The following EDEM1 variants were observed in gnomAD, a reference collection of about 807,000 sequenced individuals.
The protein encoded by EDEM1 is ER degradation-enhancing alpha-mannosidase-like protein 1.
A neutral mutation model predicts 74.4 loss-of-function variants in EDEM1; 67 were observed. That is an observed-to-expected ratio of 0.90 (90% CI 0.74 to 1.10). EDEM1 has a LOEUF of 1.10. Ranked by LOEUF, EDEM1 falls within the 50% of genes least tolerant of loss-of-function variation. The pLI is 0.00. For missense variants in EDEM1, 926 were observed against 851.6 expected, an observed-to-expected ratio of 1.09 and a Z score of -1.09; for synonymous variants, 382 against 335.9, an observed-to-expected ratio of 1.14 and a Z score of -1.50.
At chr3:5,189,227 G>A (rs1331542297) in intron 1 of EDEM1, among the ~76,000 whole-genome samples, 1 of 152,208 alleles carries the variant, frequency 6.6e-6, no homozygotes, top group African/African-American at 2.4e-5. Context: ...CCCCTGGATG[G>A]GAGTGGAGGA....
intron 10 of EDEM1, 135 bp from the exon 11 acceptor site, chr3:5,213,184 C>A: frequency 1.2e-6 from 1 of 862,554 alleles, no homozygotes; most frequent in African/African-American, 1.7e-5. Context: ...CAGTCAATTC[C>A]TTTTCACCCA....
chr3:5,219,479 G>T lies in EDEM1; in HGVS notation c.*3561G>T, dbSNP rs1298076521. 6.6e-6 allele frequency: 1 copy of T among 152,126 alleles called. No individual in the cohort carries two copies. Among genetic ancestry groups the T allele is most frequent in the Non-Finnish European group, 1.5e-5 (1 of 68,038 alleles). 9.4% of individuals were successfully genotyped at this position (152,126 alleles called of 1,614,324 possible). ...GGAGGTGGGACGGGCTGGGCCCTGTGTCCCAGGTTTCACAGGGCTCAGGGT... is the reference window on the plus strand; with the variant it reads ...GGAGGTGGGACGGGCTGGGCCCTGTTTCCCAGGTTTCACAGGGCTCAGGGT... On this transcript the variant is annotated 3_prime_UTR_variant, in exon 12 of 12. Coordinates refer to ENST00000256497, the MANE Select transcript of EDEM1 (RefSeq NM_014674.3).
rs461077 is a variant in EDEM1, at chr3:5,218,445, A to C, written c.*2527A>C. ...TTTCTTCTGTTCTGTGTTCTGAAAT[A>C]CTGGGTAGAGAATGGCTGAGGAGGA... On this transcript the variant is annotated 3_prime_UTR_variant, in exon 12 of 12. Coordinates refer to ENST00000256497, the MANE Select transcript of EDEM1 (RefSeq NM_014674.3). 0.88 allele frequency: 133,890 copies of C among 151,664 alleles called. 60,380 individuals carry two copies. Among genetic ancestry groups the C allele is most frequent in the Non-Finnish European group, 0.97 (66,085 of 67,988 alleles). The allele number at this position is 151,664 out of a possible 1,614,324, so 9.4% of individuals were successfully genotyped here.
In EDEM1 at chr3:5,187,730, G is replaced by C. The variant is rs1301074747; in HGVS notation, c.-76G>C. ...TTAAAGGGGAAGCGAGCCGGGCTAC[G>C]GGGCGAGCGCGGGGTGCGGTGGTCG... On this transcript the variant is annotated 5_prime_UTR_variant, in exon 1 of 12. Coordinates refer to ENST00000256497, the MANE Select transcript of EDEM1 (RefSeq NM_014674.3). 3.5e-6 allele frequency: 5 copies of C among 1,423,264 alleles called. No homozygotes were observed. In the South Asian group the frequency reaches 4.3e-5, roughly 12 times the overall value. The allele number at this position is 1,423,264 out of a possible 1,614,324, so 88.2% of individuals were successfully genotyped here.
In EDEM1 at chr3:5,207,187, C is replaced by A. The variant is rs1188690724; in HGVS notation, c.1252C>A (p.Pro418Thr). The change falls in exon 7 of 12, where the codon CCA (proline) becomes ACA (threonine). Residue 418 changes from proline (P) to threonine (T), a missense_variant. Coordinates refer to ENST00000256497, the MANE Select transcript of EDEM1 (RefSeq NM_014674.3). The stretch of plus-strand genomic sequence containing the variant: ...CTGCAATGAAGGAGAAGGAGACCCT[C>A]CACTCTATGTCAACGTGAACATGTT... ...EACNEGEGDP[P>T]LYVNVNMFSG... is the part of the protein sequence containing the mutation. 6.2e-7 allele frequency: 1 copy of A among 1,614,184 alleles called. No individual in the cohort carries two copies. The highest frequency in any genetic ancestry group is 1.7e-5 in the Admixed American group (1 of 60,022).
At chr3:5,211,374 A>T (rs78532695) in intron 10 of EDEM1, 158 bp downstream of exon 10, 1 of 654,292 alleles carries the variant, frequency 1.5e-6, no homozygotes, top group East Asian at 2.9e-5. Context: ...GGATATTACT[A>T]TCTTCTTTCA....
In EDEM1 at chr3:5,219,056, T is replaced by TG. The variant is rs1198050706; in HGVS notation, c.*3139dup. Reference sequence around the variant, plus strand: ...AAGTACCTGGTTTGGTCAGTGCAGTTGTGCAATCTGAGGGCCTTGTTTCCT... The same window carrying TG: ...AAGTACCTGGTTTGGTCAGTGCAGTTGGTGCAATCTGAGGGCCTTGTTTCCT... On this transcript the variant is annotated 3_prime_UTR_variant, in exon 12 of 12. Transcript: ENST00000256497. The TG allele has an allele frequency of 6.6e-6, 1 of 152,152 alleles. No homozygotes were observed. The highest frequency in any genetic ancestry group is 6.5e-5 in the Admixed American group (1 of 15,276). 9.4% of individuals were successfully genotyped at this position (152,152 alleles called of 1,614,324 possible).
chr3:5,200,311 C>T (rs534535702), intron 3 of EDEM1, among the ~76,000 whole-genome samples: 1 of 152,294 alleles, frequency 6.6e-6, no homozygotes, highest in Admixed American at 6.5e-5. Flanking sequence ...AGTCTGATTT[C>T]ATTTTCTTCT....
intron 2 of EDEM1, among the ~76,000 whole-genome samples, chr3:5,198,251 G>A (rs915193598): frequency 1.3e-5 from 2 of 152,174 alleles, no homozygotes; most frequent in African/African-American, 4.8e-5. Flanking sequence ...GTTTTGCCAT[G>A]TTGGCCAGGC....
intron 5 of EDEM1, 133 bp from the exon 6 acceptor site, chr3:5,204,934 A>G (rs1575588853): frequency 2.1e-6 from 2 of 933,376 alleles, no homozygotes; most frequent in East Asian, 4.9e-5. Flanking sequence ...AGGTCCAAGC[A>G]ACCACCTCCT....
rs2055149804 is a variant in EDEM1 at position 5,210,074 on chromosome 3, G to A, written c.1510-101G>A. 15 of 999,240 alleles carry A rather than the reference G, an allele frequency of 1.5e-5. No individual in the cohort carries two copies. In the South Asian group the frequency reaches 1.9e-4, roughly 12 times the overall value. The allele number at this position is 999,240 out of a possible 1,614,324, so 61.9% of individuals were successfully genotyped here. A position where few individuals can be genotyped will look rare whatever the true frequency, so the allele number is the denominator to read the frequency against. On this transcript the variant is annotated intron_variant, in intron 8 of 11. Transcript: ENST00000256497. Reference sequence around the variant, plus strand: ...TGGGCCCTGTTTCTTCCTTTGGCTGGCGACTCGTCTCCATGGGGAAGCCCC... The same window carrying A: ...TGGGCCCTGTTTCTTCCTTTGGCTGACGACTCGTCTCCATGGGGAAGCCCC...
intron 1 of EDEM1, chr3:5,189,701 A>G (rs2054876469): frequency 1.3e-5 from 2 of 152,264 alleles, no homozygotes; most frequent in Admixed American, 1.3e-4. Context: ...CTGTGGTTAA[A>G]GTGATTCTCC....
chr3:5,210,990 A>T, intron 9 of EDEM1, 130 bp from the exon 10 acceptor site: 1 of 828,798 alleles, frequency 1.2e-6, no homozygotes, highest in Non-Finnish European at 1.9e-6. Context: ...GAGCCCCTCA[A>T]TGTAAACATA....
intron 1 of EDEM1, among the ~76,000 whole-genome samples, chr3:5,189,076 T>C (rs1277554637): frequency 6.6e-6 from 1 of 152,162 alleles, no homozygotes; most frequent in Non-Finnish European, 1.5e-5. Flanking sequence ...ACCAGCCTTG[T>C]TTGCAAAGGC....
intron 8 of EDEM1, among the ~76,000 whole-genome samples, chr3:5,209,727 C>T (rs1049206120): frequency 2.6e-5 from 4 of 152,184 alleles, no homozygotes; most frequent in Admixed American, 2.0e-4. Flanking sequence ...TTTCATACTT[C>T]GGAAAGTCTT....
chr3:5,201,608 T>TC, intron 3 of EDEM1, 145 bp from the exon 4 acceptor site: 1 of 822,252 alleles, frequency 1.2e-6, no homozygotes, highest in Non-Finnish European at 1.9e-6. Context: ...AGAAAGGAAT[T>TC]CAAGAGTCCA....
At position 5,191,494 on chromosome 3, in the gene EDEM1, A is replaced by G. The variant is rs537513240; in HGVS notation, c.509+3180A>G. Among the ~76,000 whole-genome samples, 208 of 152,146 alleles carry G rather than the reference A, an allele frequency of 1.4e-3. 1 individual carries two copies. The highest frequency in any genetic ancestry group is 4.9e-3 in the African/African-American group (203 of 41,500). ...GCAGTCTTCCCGCCTTGGCCTCCCA[A>G]AGTGCTGAGATTATAGGTGTGAGCC... On this transcript the variant is annotated intron_variant, in intron 1 of 11. Transcript: ENST00000256497.
At chr3:5,197,037 G>A (rs1008285154) in intron 2 of EDEM1, among the ~76,000 whole-genome samples, 11 of 144,814 alleles carry the variant, frequency 7.6e-5, no homozygotes, top group Non-Finnish European at 1.5e-4. Context: ...CGAGTGATTC[G>A]CCTGCCTCAG....
chr3:5,201,752 G>T lies in EDEM1; in HGVS notation c.687-1G>T. ...TATCTTTTTGTTCTTCCTGTCATTA[G>T]GGTCCTGGGAAGCCTCCTTTCTGCT... is the stretch of plus-strand genomic sequence containing the variant. On this transcript the variant is annotated splice_acceptor_variant, in intron 3 of 11. Transcript: ENST00000256497. LOFTEE classifies it high-confidence loss of function. The T allele has an allele frequency of 6.2e-7, 1 of 1,614,002 alleles. No individual in the cohort carries two copies. Among genetic ancestry groups the T allele is most frequent in the Non-Finnish European group, 8.5e-7 (1 of 1,179,998 alleles).
Sources: gnomAD v4.1 joint callset for allele counts (sites outside exome capture counted in the v4.1 genomes callset) on GRCh38, gnomAD v4.1.1 for gene constraint, MANE v1.5 for transcripts, NCBI Gene and HGNC (gene_info 2026-07-23, HGNC 2026-07-21) for gene names.